Variants in ADAMTSL1 observed in about 807,000 individuals in gnomAD.
The protein encoded by ADAMTSL1 is ADAMTS-like protein 1.
ADAMTSL1 carries 126 observed loss-of-function variants against 201.8 expected under a neutral mutation model. That is an observed-to-expected ratio of 0.62 (90% CI 0.54 to 0.72). The LOEUF (loss-of-function observed/expected upper bound fraction) is 0.72, where lower values mean the gene tolerates loss of function less well. Among genes scored for constraint, ADAMTSL1 ranks in the 30% least tolerant of loss-of-function variants. The pLI is 0.00. For missense variants in ADAMTSL1, 2,679 were observed against 2,277.8 expected, an observed-to-expected ratio of 1.18 and a Z score of -3.59; for synonymous variants, 1,121 against 903.4, an observed-to-expected ratio of 1.24 and a Z score of -4.32.
intron 23 of ADAMTSL1, among the ~76,000 whole-genome samples, chr9:18,878,219 C>T (rs534544454): frequency 1.1e-4 from 16 of 152,306 alleles, no homozygotes; most frequent in Admixed American, 5.9e-4. Context: ...AAGCAAGCAG[C>T]GCTTTCAGGT....
intron 15 of ADAMTSL1, among the ~76,000 whole-genome samples, chr9:18,725,138 C>T (rs1222744018): frequency 6.6e-6 from 1 of 152,154 alleles, no homozygotes; most frequent in African/African-American, 2.4e-5. Flanking sequence ...GATCTCCTGA[C>T]CTCGTGATCT....
chr9:18,060,943 A>G (rs1822422865), intron 1 of ADAMTSL1, among the ~76,000 whole-genome samples: 1 of 152,232 alleles, frequency 6.6e-6, no homozygotes, highest in Non-Finnish European at 1.5e-5. Flanking sequence ...TTAAACAGGT[A>G]CTATGTCATA....
At chr9:18,574,618 T>TGTGTGTGC in intron 4 of ADAMTSL1, 1 of 393,640 alleles carries the variant, frequency 2.5e-6, no homozygotes, top group East Asian at 3.8e-5. Flanking sequence ...TGTGTGTGTG[T>TGTGTGTGC]ATTTAGAGAC....
At chr9:18,802,193 T>G (rs549260216) in intron 20 of ADAMTSL1, among the ~76,000 whole-genome samples, 14 of 152,208 alleles carry the variant, frequency 9.2e-5, no homozygotes, top group African/African-American at 3.4e-4. Context: ...GGAGGATAGC[T>G]TGAGCCTAGG....
chr9:18,789,653 C>T (rs1171325332), intron 19 of ADAMTSL1, among the ~76,000 whole-genome samples: 1 of 152,046 alleles, frequency 6.6e-6, no homozygotes, highest in Non-Finnish European at 1.5e-5. Flanking sequence ...AAAAAGGCTT[C>T]GTAGTGGAGT....
chr9:18,687,489 A>T (rs927622514), intron 13 of ADAMTSL1, among the ~76,000 whole-genome samples: 2 of 152,216 alleles, frequency 1.3e-5, no homozygotes, highest in Non-Finnish European at 2.9e-5. Context: ...GTGAGGCAAG[A>T]ACAGTGGTCC....
At chr9:18,178,605 C>G (rs962864522) in intron 2 of ADAMTSL1, among the ~76,000 whole-genome samples, 2 of 151,636 alleles carry the variant, frequency 1.3e-5, no homozygotes, top group Non-Finnish European at 2.9e-5. Flanking sequence ...CAGCAGTAAC[C>G]TCTGCAGACT....
chr9:18,586,468 T>G (rs1266151819), intron 4 of ADAMTSL1, among the ~76,000 whole-genome samples: 1 of 152,078 alleles, frequency 6.6e-6, no homozygotes, highest in Non-Finnish European at 1.5e-5. Flanking sequence ...GAAAAAACAT[T>G]CCATGCTCAT....
chr9:17,916,510 C>G (rs1032617271), intron 1 of ADAMTSL1, among the ~76,000 whole-genome samples: 1 of 152,100 alleles, frequency 6.6e-6, no homozygotes, highest in African/African-American at 2.4e-5. Context: ...GGGTAGGGAT[C>G]AAAGTTCGTT....
intron 1 of ADAMTSL1, among the ~76,000 whole-genome samples, chr9:18,158,553 A>T (rs1476929738): frequency 6.6e-6 from 1 of 152,030 alleles, no homozygotes; most frequent in Non-Finnish European, 1.5e-5. Context: ...CCTTTCAAAA[A>T]CAGGGACCCT....
intron 5 of ADAMTSL1, among the ~76,000 whole-genome samples, chr9:18,625,196 G>A (rs900709760): frequency 2.6e-5 from 4 of 151,808 alleles, no homozygotes; most frequent in East Asian, 1.9e-4. Context: ...CTGTCAGCTC[G>A]CCACATGCTC....
intron 2 of ADAMTSL1, among the ~76,000 whole-genome samples, chr9:18,239,928 C>A (rs919795515): frequency 6.6e-6 from 1 of 152,168 alleles, no homozygotes; most frequent in South Asian, 2.1e-4. Flanking sequence ...TTCTAGTTCT[C>A]TTACTATTTT....
At chr9:17,986,215 C>T (rs908921012) in intron 1 of ADAMTSL1, among the ~76,000 whole-genome samples, 1 of 151,922 alleles carries the variant, frequency 6.6e-6, no homozygotes, top group African/African-American at 2.4e-5. Flanking sequence ...GTCCCGTATC[C>T]CTGGGTGTTT....
At chr9:17,931,796 G>T (rs1270575372) in intron 1 of ADAMTSL1, among the ~76,000 whole-genome samples, 1 of 152,124 alleles carries the variant, frequency 6.6e-6, no homozygotes, top group Non-Finnish European at 1.5e-5. Context: ...TAGCAAGGAG[G>T]TTTATGCTGA....
At chr9:18,218,687 G>C (rs373797707) in intron 2 of ADAMTSL1, among the ~76,000 whole-genome samples, 2 of 151,864 alleles carry the variant, frequency 1.3e-5, no homozygotes, top group South Asian at 2.1e-4. Flanking sequence ...ATATATATAA[G>C]AGATATTATC....
At chr9:18,528,088 G>A (rs1819205173) in intron 2 of ADAMTSL1, among the ~76,000 whole-genome samples, 1 of 152,134 alleles carries the variant, frequency 6.6e-6, no homozygotes, top group African/African-American at 2.4e-5. Context: ...ACGTTGGCCA[G>A]GCTGGTCTTG....
intron 2 of ADAMTSL1, among the ~76,000 whole-genome samples, chr9:18,278,998 G>A (rs1202180763): frequency 6.6e-6 from 1 of 152,068 alleles, no homozygotes; most frequent in Non-Finnish European, 1.5e-5. Context: ...GTTATGTAGT[G>A]CTAGAATTTT....
chr9:18,420,314 A>T (rs1175395527), intron 2 of ADAMTSL1, among the ~76,000 whole-genome samples: 1 of 152,212 alleles, frequency 6.6e-6, no homozygotes, highest in East Asian at 1.9e-4. Context: ...CTTGAACTAG[A>T]ATGGTCTACT....
At chr9:17,960,267 A>T (rs745521565) in intron 1 of ADAMTSL1, among the ~76,000 whole-genome samples, 8 of 152,192 alleles carry the variant, frequency 5.3e-5, no homozygotes, top group Non-Finnish European at 7.3e-5. Flanking sequence ...CAAACTGTAG[A>T]TACTATGTCT....
Sources: allele counts gnomAD v4.1 joint callset (sites outside exome capture counted in the v4.1 genomes callset), GRCh38; gene constraint gnomAD v4.1.1; transcripts MANE v1.5; gene names NCBI Gene and HGNC (gene_info 2026-07-23, HGNC 2026-07-21).